Variants in CNTN4 observed in about 807,000 individuals in gnomAD.
CNTN4 encodes contactin 4, also known as contactin-4.
In CNTN4, 77 loss-of-function variants were observed where a neutral mutation model predicts 122.5. The observed-to-expected ratio is 0.63, with a 90% CI of 0.52 to 0.76. The LOEUF is 0.76. Among genes scored for constraint, CNTN4 ranks in the 30% least tolerant of loss-of-function variants. CNTN4 has a pLI of 0.00. For synonymous variants in CNTN4, 512 were observed against 447.0 expected (o/e 1.15, Z -1.83); for missense variants, 1,256 against 1,259.1 (o/e 1.00, Z 0.04).
intron 3 of CNTN4, among the ~76,000 whole-genome samples, chr3:2,346,729 C>G (rs2044409989): frequency 6.6e-6 from 1 of 152,072 alleles, no homozygotes; most frequent in Admixed American, 6.5e-5. Context: ...TGTATGTGAT[C>G]TGTCTTTTTC....
chr3:2,366,369 T>G (rs2045377550), intron 3 of CNTN4, among the ~76,000 whole-genome samples: 1 of 152,202 alleles, frequency 6.6e-6, no homozygotes, highest in South Asian at 2.1e-4. Context: ...ATTCTGGGAT[T>G]CTGATTAAAA....
chr3:2,267,921 A>T (rs1356008945), intron 2 of CNTN4, among the ~76,000 whole-genome samples: 5 of 152,040 alleles, frequency 3.3e-5, no homozygotes, highest in African/African-American at 1.2e-4. Flanking sequence ...GAACCTGTTG[A>T]CTTTTACGCT....
chr3:2,260,687 A>G lies in CNTN4; in HGVS notation c.-144-78491A>G, dbSNP rs556433934. On this transcript the variant is annotated intron_variant, in intron 2 of 24. Transcript: ENST00000418658. ...CTGCTAATAGAACTTCCCATTACAG[A>G]TTTAAGTTTTCTTTTCTTTTCTTTT... 2.0e-5 allele frequency among the ~76,000 whole-genome samples: 3 copies of G among 151,494 alleles called. 1 individual carries two copies. The highest frequency in any genetic ancestry group is 2.0e-4 in the Admixed American group (3 of 15,212).
At chr3:2,316,937 A>G (rs1003154619) in intron 2 of CNTN4, among the ~76,000 whole-genome samples, 7 of 152,110 alleles carry the variant, frequency 4.6e-5, no homozygotes, top group African/African-American at 1.7e-4. Context: ...GTGATCCCAT[A>G]TATTTCTTCC....
intron 2 of CNTN4, among the ~76,000 whole-genome samples, chr3:2,116,924 C>A (rs2033394050): frequency 6.6e-6 from 1 of 151,972 alleles, no homozygotes; most frequent in Non-Finnish European, 1.5e-5. Flanking sequence ...TATTCTCTCA[C>A]TCAAAAACAA....
chr3:2,687,939 G>A (rs2085522563), intron 4 of CNTN4, among the ~76,000 whole-genome samples: 1 of 152,114 alleles, frequency 6.6e-6, no homozygotes, highest in South Asian at 2.1e-4. Context: ...TCACAGGGAG[G>A]ATAGAACTCA....
At chr3:2,191,873 TC>T (rs1350593672) in intron 2 of CNTN4, among the ~76,000 whole-genome samples, 12 of 151,890 alleles carry the variant, frequency 7.9e-5, no homozygotes, top group African/African-American at 1.4e-4. Flanking sequence ...ATGCTATGCC[TC>T]CCCCCTCCCC....
chr3:2,100,486 A>C (rs1230029671), intron 1 of CNTN4, 72 bp from the exon 2 acceptor site: 1 of 152,216 alleles, frequency 6.6e-6, no homozygotes, highest in Non-Finnish European at 1.5e-5. Context: ...GCCTATGAGC[A>C]GGTCCATACA....
chr3:2,452,381 C>G (rs2048859749), intron 3 of CNTN4, among the ~76,000 whole-genome samples: 1 of 152,144 alleles, frequency 6.6e-6, no homozygotes, highest in Admixed American at 6.6e-5. Flanking sequence ...CTTTGTGCAG[C>G]CATGCTCTGC....
At chr3:2,347,227 A>G (rs2044430028) in intron 3 of CNTN4, among the ~76,000 whole-genome samples, 1 of 152,264 alleles carries the variant, frequency 6.6e-6, no homozygotes, top group Non-Finnish European at 1.5e-5. Flanking sequence ...ATGAAAGTTA[A>G]CAGGGGAGCT....
chr3:2,635,105 G>A, intron 4 of CNTN4, among the ~76,000 whole-genome samples: 1 of 152,036 alleles, frequency 6.6e-6, no homozygotes, highest in African/African-American at 2.4e-5. Context: ...AGTGAGCGAT[G>A]TTGCTGTATT....
At chr3:2,635,044 C>G (rs530473244) in intron 4 of CNTN4, among the ~76,000 whole-genome samples, 2 of 152,060 alleles carry the variant, frequency 1.3e-5, no homozygotes, top group African/African-American at 4.8e-5. Flanking sequence ...AGACAGATAT[C>G]TCGGAACCAT....
At chr3:2,842,971 A>G (rs529553460) in intron 7 of CNTN4, among the ~76,000 whole-genome samples, 88 of 151,988 alleles carry the variant, frequency 5.8e-4, no homozygotes, top group African/African-American at 2.0e-3. Context: ...CTCTCTAGTG[A>G]TTTCATCCAG....
Position 2,700,653 on chromosome 3 carries a change from C to CAAAA in CNTN4, c.56-35554_56-35551dup, listed in dbSNP as rs5846211. ...ATAGAGTTAAAATAAATTCCCCTGG[C>CAAAA]AAAAAAAAAAAGAAAGGATTTTATC... On this transcript the variant is annotated intron_variant, in intron 4 of 24. Transcript: ENST00000418658. 1.3e-5 allele frequency among the ~76,000 whole-genome samples: 2 copies of CAAAA among 148,280 alleles called. 1 individual carries two copies. Among genetic ancestry groups the CAAAA allele is most frequent in the African/African-American group, 4.9e-5 (2 of 40,770 alleles).
At chr3:3,015,798 A>G (rs941995630) in intron 14 of CNTN4, among the ~76,000 whole-genome samples, 2 of 152,204 alleles carry the variant, frequency 1.3e-5, no homozygotes, top group African/African-American at 2.4e-5. Context: ...TCCTTGCCTC[A>G]AGGTGTACAT....
intron 8 of CNTN4, among the ~76,000 whole-genome samples, chr3:2,868,078 T>A (rs1250402553): frequency 1.3e-5 from 2 of 152,146 alleles, no homozygotes; most frequent in Non-Finnish European, 2.9e-5. Context: ...CACATTCAGA[T>A]CTTCTATTAT....
intron 12 of CNTN4, among the ~76,000 whole-genome samples, chr3:2,904,341 G>C (rs776410821): frequency 6.6e-6 from 1 of 152,142 alleles, no homozygotes; most frequent in Non-Finnish European, 1.5e-5. Flanking sequence ...CTTGCATATA[G>C]AAGTAAATGT....
chr3:2,826,213 G>A (rs1337382970), intron 7 of CNTN4, among the ~76,000 whole-genome samples: 1 of 152,050 alleles, frequency 6.6e-6, no homozygotes, highest in Non-Finnish European at 1.5e-5. Context: ...GTTCTTTGGC[G>A]CTCACCCCAG....
At chr3:3,020,507 GC>G (rs1698195835) in intron 14 of CNTN4, among the ~76,000 whole-genome samples, 1 of 152,182 alleles carries the variant, frequency 6.6e-6, no homozygotes. Flanking sequence ...GGATTCATAG[GC>G]TCTTCAAGAC....
Sources: allele counts gnomAD v4.1 joint callset (sites outside exome capture counted in the v4.1 genomes callset), GRCh38; gene constraint gnomAD v4.1.1; transcripts MANE v1.5; gene names NCBI Gene and HGNC (gene_info 2026-07-23, HGNC 2026-07-21).